MOSMO: variants seen among roughly 807,000 people sequenced by gnomAD.
The protein encoded by MOSMO is modulator of smoothened protein.
A neutral mutation model predicts 18.4 loss-of-function variants in MOSMO; 5 were observed. The ratio of observed to expected loss-of-function variants is 0.27; its 90% CI spans 0.14 to 0.57. The LOEUF (loss-of-function observed/expected upper bound fraction) is 0.57. Among genes scored for constraint, MOSMO ranks in the 20% least tolerant of loss-of-function variants. The pLI is 0.92. For missense variants in MOSMO, 138 were observed against 211.8 expected, an observed-to-expected ratio of 0.65 and a Z score of 2.16; for synonymous variants, 82 against 82.3, an observed-to-expected ratio of 1.00 and a Z score of 0.02.
intron 1 of MOSMO, among the ~76,000 whole-genome samples, chr16:22,047,428 T>G (rs1900334989): frequency 2.0e-5 from 3 of 151,958 alleles, no homozygotes; most frequent in Admixed American, 2.0e-4. Flanking sequence ...GTATTTTTAG[T>G]AGAGACGGGG....
intron 1 of MOSMO, among the ~76,000 whole-genome samples, chr16:22,009,441 G>A (rs1899470199): frequency 6.6e-6 from 1 of 151,980 alleles, no homozygotes; most frequent in Non-Finnish European, 1.5e-5. Flanking sequence ...ATTTTTCTCA[G>A]CTTGGGCCAC....
At chr16:22,050,760 G>A (rs1900406936) in intron 1 of MOSMO, among the ~76,000 whole-genome samples, 1 of 151,984 alleles carries the variant, frequency 6.6e-6, no homozygotes, top group South Asian at 2.1e-4. Context: ...GTACATGCCT[G>A]TGTCAGGATT....
rs745862286 is a variant in MOSMO at position 22,083,893 on chromosome 16, T to G, written c.*3013T>G. On this transcript the variant is annotated 3_prime_UTR_variant, in exon 3 of 3. Transcript: ENST00000542527. ...GGTAATCCATGTTCTATGTTGTTAA[T>G]GTGTGTATGTAATTTTTCTGACTCT... is the stretch of plus-strand genomic sequence containing the variant. 1.1e-4 allele frequency: 35 copies of G among 321,396 alleles called. No individual in the cohort carries two copies. Among genetic ancestry groups the G allele is most frequent in the Admixed American group, 9.8e-4 (20 of 20,394 alleles). The allele number at this position is 321,396 out of a possible 1,614,324, so 19.9% of individuals were successfully genotyped here.
intron 1 of MOSMO, among the ~76,000 whole-genome samples, chr16:22,069,846 A>T (rs1598023185): frequency 6.6e-6 from 1 of 152,284 alleles, no homozygotes; most frequent in East Asian, 1.9e-4. Flanking sequence ...CCCCTGGAGG[A>T]CGTGTTGGCA....
At chr16:22,055,674 C>A (rs973170794) in intron 1 of MOSMO, among the ~76,000 whole-genome samples, 5 of 152,154 alleles carry the variant, frequency 3.3e-5, no homozygotes, top group Non-Finnish European at 7.4e-5. Context: ...GCTTCCTAGA[C>A]TTTTTCTCTC....
chr16:22,048,565 G>A (rs2141741788), intron 1 of MOSMO, among the ~76,000 whole-genome samples: 1 of 152,202 alleles, frequency 6.6e-6, no homozygotes, highest in Non-Finnish European at 1.5e-5. Flanking sequence ...ATCTTTTCAT[G>A]TTACTGGCCA....
chr16:22,051,988 T>G (rs1216065597), intron 1 of MOSMO, among the ~76,000 whole-genome samples: 5 of 151,910 alleles, frequency 3.3e-5, no homozygotes, highest in East Asian at 3.9e-4. Flanking sequence ...GGTTTGAGAG[T>G]TTTTTTCCTA....
chr16:22,088,137 C>T (rs1017415504), downstream of MOSMO, among the ~76,000 whole-genome samples: 3 of 152,110 alleles, frequency 2.0e-5, no homozygotes, highest in African/African-American at 7.2e-5. Flanking sequence ...GATTCACCCA[C>T]CTCAGCCTCC....
In MOSMO at chr16:22,075,717, A is replaced by G; in HGVS notation, c.319+18A>G. 7.4e-7 allele frequency: 1 copy of G among 1,353,612 alleles called. No homozygotes were observed. Among genetic ancestry groups the G allele is most frequent in the Non-Finnish European group, 9.6e-7 (1 of 1,041,556 alleles). 83.9% of individuals were successfully genotyped at this position (1,353,612 alleles called of 1,614,324 possible). A position where few individuals can be genotyped will look rare whatever the true frequency, so the allele number is the denominator to read the frequency against. ...CACTGGAAGTAAGTAACCTGTGCTTACTAAATTTGTCTAGAAGGCACCCAC... is the reference window on the plus strand; with the variant it reads ...CACTGGAAGTAAGTAACCTGTGCTTGCTAAATTTGTCTAGAAGGCACCCAC... On this transcript the variant is annotated intron_variant, in intron 2 of 2. Transcript: ENST00000542527.
chr16:22,038,957 C>T lies in MOSMO; in HGVS notation c.106+30550C>T, dbSNP rs148734975. ...ACTAAGCATAGTGCTCTGTAATAGA[C>T]ATTGAAGTCAGGTCTCAGGTCTAAT... On this transcript the variant is annotated intron_variant, in intron 1 of 2. Transcript: ENST00000542527. Among the ~76,000 whole-genome samples the T allele has an allele frequency of 2.6e-5, 4 of 152,296 alleles. No individual in the cohort carries two copies. In the East Asian group the frequency reaches 7.7e-4, roughly 29 times the overall value.
At chr16:22,047,650 T>G (rs887283903) in intron 1 of MOSMO, among the ~76,000 whole-genome samples, 1 of 152,202 alleles carries the variant, frequency 6.6e-6, no homozygotes, top group Admixed American at 6.5e-5. Context: ...TTTCCCTATA[T>G]GCAGGTTTTT....
At chr16:22,050,029 G>A (rs1278714521) in intron 1 of MOSMO, among the ~76,000 whole-genome samples, 1 of 152,184 alleles carries the variant, frequency 6.6e-6, no homozygotes, top group Admixed American at 6.5e-5. Flanking sequence ...GCACTCTGTG[G>A]AAGTATCATT....
At chr16:22,058,589 CACTTG>C (rs1484240766) in intron 1 of MOSMO, among the ~76,000 whole-genome samples, 10 of 151,998 alleles carry the variant, frequency 6.6e-5, no homozygotes, top group African/African-American at 1.5e-4. Flanking sequence ...AGGTAAATTC[CACTTG>C]ACTTAGTGAT....
chr16:22,089,123 T>G (rs1901243836), downstream of MOSMO, among the ~76,000 whole-genome samples: 1 of 152,196 alleles, frequency 6.6e-6, no homozygotes, highest in Non-Finnish European at 1.5e-5. Context: ...GTTTTTGGGT[T>G]TGGTTTGGTT....
At chr16:22,090,891 T>C (rs1901298508), downstream of MOSMO, among the ~76,000 whole-genome samples, 1 of 152,174 alleles carries the variant, frequency 6.6e-6, no homozygotes, top group Non-Finnish European at 1.5e-5. Context: ...GAATGTGTGT[T>C]GTGTAGGCTC....
At chr16:22,052,108 T>G (rs1274235538) in intron 1 of MOSMO, among the ~76,000 whole-genome samples, 1 of 152,230 alleles carries the variant, frequency 6.6e-6, no homozygotes, top group Non-Finnish European at 1.5e-5. Context: ...GTTTCATGTG[T>G]GAAATGAATT....
At chr16:22,049,616 G>A (rs1444640692) in intron 1 of MOSMO, among the ~76,000 whole-genome samples, 1 of 151,952 alleles carries the variant, frequency 6.6e-6, no homozygotes, top group Non-Finnish European at 1.5e-5. Context: ...ATTGCACAGA[G>A]GTTATTGTTT....
intron 1 of MOSMO, among the ~76,000 whole-genome samples, chr16:22,024,289 A>G (rs575256902): frequency 3.2e-4 from 48 of 152,244 alleles, no homozygotes; most frequent in South Asian, 1.0e-3. Flanking sequence ...GTGGTTAGGT[A>G]GAGCAGTTGA....
At chr16:22,054,963 G>GT (rs777477970) in intron 1 of MOSMO, among the ~76,000 whole-genome samples, 306 of 144,978 alleles carry the variant, frequency 2.1e-3, no homozygotes, top group Non-Finnish European at 2.7e-3. Flanking sequence ...AAAGATAGGG[G>GT]TTTTTTTTTT....
Sources: allele counts gnomAD v4.1 joint callset (sites outside exome capture counted in the v4.1 genomes callset), GRCh38; gene constraint gnomAD v4.1.1; transcripts MANE v1.5; gene names NCBI Gene and HGNC (gene_info 2026-07-23, HGNC 2026-07-21).